The following XIRP2 variants were observed in gnomAD, a reference collection of about 807,000 sequenced individuals.
XIRP2 encodes the protein xin actin binding repeat containing 2.
Under a neutral mutation model 277.0 loss-of-function variants are expected in XIRP2, and 236 were observed. The ratio of observed to expected loss-of-function variants is 0.85; its 90% CI spans 0.77 to 0.95. The LOEUF is 0.95. Among genes scored for constraint, XIRP2 ranks in the 40% least tolerant of loss-of-function variants. The pLI, the probability that XIRP2 is intolerant of heterozygous loss-of-function variation, is 0.00. For missense variants in XIRP2, 4,640 were observed against 4,157.5 expected, an observed-to-expected ratio of 1.12 and a Z score of -3.19; for synonymous variants, 1,490 against 1,416.5, an observed-to-expected ratio of 1.05 and a Z score of -1.17.
At chr2:167,168,582 CT>C (rs1157151304) in intron 3 of XIRP2, among the ~76,000 whole-genome samples, 1 of 152,080 alleles carries the variant, frequency 6.6e-6, no homozygotes, top group Admixed American at 6.5e-5. Flanking sequence ...TCTAGCATTC[CT>C]TTTTGGTTTT....
intron 2 of XIRP2, among the ~76,000 whole-genome samples, chr2:167,097,800 T>G (rs1001176533): frequency 1.3e-5 from 2 of 152,172 alleles, no homozygotes; most frequent in Admixed American, 1.3e-4. Context: ...TTCTCCTTCA[T>G]TTATGAAGCT....
chr2:167,071,638 C>A (rs1689439793), intron 2 of XIRP2, among the ~76,000 whole-genome samples: 1 of 152,188 alleles, frequency 6.6e-6, no homozygotes, highest in Non-Finnish European at 1.5e-5. Flanking sequence ...TTCCTCACCT[C>A]TTCCTGTTTG....
intron 2 of XIRP2, among the ~76,000 whole-genome samples, chr2:166,925,719 C>G (rs1685171320): frequency 6.6e-6 from 1 of 150,680 alleles, no homozygotes; most frequent in Non-Finnish European, 1.5e-5. Flanking sequence ...CACTCCTAAT[C>G]AGGGTGATAG....
At chr2:167,128,528 G>A (rs139955223) in intron 2 of XIRP2, among the ~76,000 whole-genome samples, 130 of 152,260 alleles carry the variant, frequency 8.5e-4, no homozygotes, top group Non-Finnish European at 1.1e-3. Context: ...AGACTTGAAC[G>A]TGTATGGGTT....
intron 3 of XIRP2, among the ~76,000 whole-genome samples, chr2:167,193,928 G>A (rs1017143527): frequency 2.7e-5 from 4 of 149,880 alleles, no homozygotes; most frequent in Non-Finnish European, 4.4e-5. Flanking sequence ...ACAGTATCTT[G>A]TAATTATTTG....
intron 2 of XIRP2, among the ~76,000 whole-genome samples, chr2:166,957,426 T>C (rs2105403103): frequency 6.6e-6 from 1 of 151,978 alleles, no homozygotes; most frequent in South Asian, 2.1e-4. Flanking sequence ...TTTCATTTTG[T>C]ACTATTTTTT....
At chr2:167,201,139 AGAGAGG>A (rs1452679379) in intron 3 of XIRP2, among the ~76,000 whole-genome samples, 1 of 150,172 alleles carries the variant, frequency 6.7e-6, no homozygotes, top group African/African-American at 2.5e-5. Flanking sequence ...AGAGAGAGAG[AGAGAGG>A]GAGGGAGGGA....
chr2:166,932,254 T>C (rs532486712), intron 2 of XIRP2, among the ~76,000 whole-genome samples: 6 of 151,822 alleles, frequency 4.0e-5, no homozygotes, highest in South Asian at 4.2e-4. Flanking sequence ...TCTTCCTCTG[T>C]CTCCCAAACT....
intron 2 of XIRP2, among the ~76,000 whole-genome samples, chr2:167,022,076 G>T (rs1330609985): frequency 6.6e-6 from 1 of 152,070 alleles, no homozygotes; most frequent in African/African-American, 2.4e-5. Flanking sequence ...AGTTTGGAAT[G>T]CTTGAAGAAC....
At chr2:167,153,777 A>C (rs1009085218) in intron 3 of XIRP2, among the ~76,000 whole-genome samples, 3 of 151,042 alleles carry the variant, frequency 2.0e-5, no homozygotes, top group Non-Finnish European at 4.4e-5. Flanking sequence ...CATGGTGTAT[A>C]TGTGCCACAT....
At chr2:166,908,923 T>C (rs1203089895) in intron 2 of XIRP2, among the ~76,000 whole-genome samples, 2 of 152,162 alleles carry the variant, frequency 1.3e-5, no homozygotes, top group African/African-American at 2.4e-5. Context: ...GATCAGATGG[T>C]TGTAGATGTG....
At chr2:167,083,032 GAATGGT>G (rs1689790831) in intron 2 of XIRP2, among the ~76,000 whole-genome samples, 2 of 152,210 alleles carry the variant, frequency 1.3e-5, no homozygotes, top group African/African-American at 4.8e-5. Flanking sequence ...CCTATGTCCT[GAATGGT>G]AATGCCTAGG....
rs553131971 is a variant in XIRP2 at position 167,116,570 on chromosome 2, G to T, written c.409-19339G>T. ...AAAGTAAATAGCATCCAGTTATGTT[G>T]TCAACTTTTCCACATTCCCTTACTC... On this transcript the variant is annotated intron_variant, in intron 2 of 10. Coordinates refer to ENST00000409195, the MANE Select transcript of XIRP2 (RefSeq NM_152381.6). 1.5e-4 allele frequency among the ~76,000 whole-genome samples: 23 copies of T among 152,168 alleles called. No individual in the cohort carries two copies. The South Asian group carries it at 2.5e-3, about 16-fold the overall frequency.
At chr2:167,172,264 G>T (rs931971176) in intron 3 of XIRP2, among the ~76,000 whole-genome samples, 8 of 152,166 alleles carry the variant, frequency 5.3e-5, no homozygotes, top group African/African-American at 1.7e-4. Context: ...TAGGGTGTGG[G>T]TCACAGAGAT....
At chr2:167,179,607 A>G (rs2105355953) in intron 3 of XIRP2, among the ~76,000 whole-genome samples, 1 of 149,310 alleles carries the variant, frequency 6.7e-6, no homozygotes, top group Non-Finnish European at 1.5e-5. Flanking sequence ...GGCGTGAGCC[A>G]CCGCACCCAG....
chr2:167,067,559 G>A lies in XIRP2; in HGVS notation c.409-68350G>A, dbSNP rs114555606. Among the ~76,000 whole-genome samples the A allele has an allele frequency of 7.1e-3, 1,074 of 152,210 alleles. 14 individuals carry two copies. The highest frequency in any genetic ancestry group is 0.024 in the African/African-American group (1,016 of 41,542). ...TGATGGTTTCCCAGTTCATATAAAA[G>A]TTACCTTTACACCATACTGTCAGCT... is the stretch of plus-strand genomic sequence containing the variant. On this transcript the variant is annotated intron_variant, in intron 2 of 10. Coordinates refer to ENST00000409195, the MANE Select transcript of XIRP2 (RefSeq NM_152381.6).
intron 3 of XIRP2, among the ~76,000 whole-genome samples, chr2:167,139,159 C>G (rs913481606): frequency 1.3e-5 from 2 of 151,066 alleles, no homozygotes; most frequent in Admixed American, 1.3e-4. Context: ...ATTTTAAGAC[C>G]AGTAAGCTAG....
intron 2 of XIRP2, among the ~76,000 whole-genome samples, chr2:167,117,630 T>TCC (rs1690931769): frequency 6.6e-6 from 1 of 152,024 alleles, no homozygotes; most frequent in African/African-American, 2.4e-5. Flanking sequence ...ACTTCTGCAG[T>TCC]CTAATCTACA....
intron 2 of XIRP2, among the ~76,000 whole-genome samples, chr2:167,026,754 CT>C (rs200332472): frequency 0.017 from 2,624 of 152,146 alleles, 26 homozygotes; most frequent in Non-Finnish European, 0.025. Context: ...GTTGAAAATT[CT>C]TTTCTTTAAG....
Sources: gnomAD v4.1 joint callset for allele counts (sites outside exome capture counted in the v4.1 genomes callset) on GRCh38, gnomAD v4.1.1 for gene constraint, MANE v1.5 for transcripts, NCBI Gene and HGNC (gene_info 2026-07-23, HGNC 2026-07-21) for gene names.